NEMF: variants seen among roughly 807,000 people sequenced by gnomAD.
The protein encoded by NEMF is nuclear export mediator factor.
NEMF carries 89 observed loss-of-function variants against 162.2 expected under a neutral mutation model. The ratio of observed to expected loss-of-function variants is 0.55; its 90% confidence interval spans 0.46 to 0.65. The LOEUF (loss-of-function observed/expected upper bound fraction) is 0.65. Among genes scored for constraint, NEMF ranks in the 30% least tolerant of loss-of-function variants. The pLI, the probability that NEMF is intolerant of heterozygous loss-of-function variation, is 0.00. For synonymous variants in NEMF, 421 were observed against 404.5 expected (o/e 1.04, Z -0.49); for missense variants, 1,133 against 1,261.9 (o/e 0.90, Z 1.55).
chr14:49,788,543 C>T (rs1360405689), intron 28 of NEMF, among the ~76,000 whole-genome samples: 1 of 142,148 alleles, frequency 7.0e-6, no homozygotes, highest in African/African-American at 2.6e-5. Flanking sequence ...AAGACAATCC[C>T]AATTTTCTCT....
At chr14:49,785,745 G>GGGTATAGT (rs1387219575) in intron 29 of NEMF, 3 of 176,714 alleles carry the variant, frequency 1.7e-5, no homozygotes, top group African/African-American at 7.2e-5. Context: ...AAAGTTAGCT[G>GGGTATAGT]GGTATAGTGG....
At position 49,852,572 on chromosome 14, in the gene NEMF, A is replaced by G; in HGVS notation, c.59+123T>C. ...ACCACACGCCTGCCCACTCAGGCCT[A>G]GGCAGGTCCATAGACGCACTAGGAA... On this transcript the variant is annotated intron_variant, in intron 1 of 32. Transcript: ENST00000298310. The G allele has an allele frequency of 3.8e-6, 4 of 1,051,776 alleles. 1 individual carries two copies. The South Asian group carries it at 5.5e-5, about 14-fold the overall frequency. The allele number at this position is 1,051,776 out of a possible 1,614,324, so 65.2% of individuals were successfully genotyped here. A position where few individuals can be genotyped will look rare whatever the true frequency, so the allele number is the denominator to read the frequency against.
In NEMF at chr14:49,802,665, G is replaced by A. The variant is rs918404243; in HGVS notation, c.1974+4C>T. 1.2e-6 allele frequency: 2 copies of A among 1,611,522 alleles called. No individual in the cohort carries two copies. The highest frequency in any genetic ancestry group is 1.1e-5 in the South Asian group (1 of 90,630). ...AAATAAATAACCAAGAAGTTGAAGA[G>A]TACCTTAAAAAGGAAGCTAAACCCC... is the stretch of plus-strand genomic sequence containing the variant. On this transcript the variant is annotated splice_donor_region_variant and intron_variant, in intron 21 of 32. Transcript: ENST00000298310.
chr14:49,832,006 A>T, intron 10 of NEMF, 45 bp downstream of exon 10: 2 of 1,334,026 alleles, frequency 1.5e-6, no homozygotes, highest in Non-Finnish European at 2.1e-6. Context: ...TCAACAGCTC[A>T]TATCATGCTA....
chr14:49,824,274 G>T (rs1892228886), intron 16 of NEMF, among the ~76,000 whole-genome samples: 1 of 151,396 alleles, frequency 6.6e-6, no homozygotes, highest in Non-Finnish European at 1.5e-5. Context: ...GCGGGGCGTG[G>T]TGGCTCACGC....
chr14:49,805,621 G>A (rs528913798), intron 19 of NEMF, among the ~76,000 whole-genome samples: 19 of 151,628 alleles, frequency 1.3e-4, no homozygotes, highest in African/African-American at 4.4e-4. Context: ...TTCTGGAAGT[G>A]CCCAAGAGAA....
At chr14:49,839,102 G>A (rs942097149) in intron 5 of NEMF, among the ~76,000 whole-genome samples, 42 of 150,214 alleles carry the variant, frequency 2.8e-4, no homozygotes, top group African/African-American at 9.8e-4. Flanking sequence ...TTTTGAGACA[G>A]AGTTTTGCTC....
Position 49,836,145 on chromosome 14 carries a change from G to A in NEMF, c.575-1696C>T, listed in dbSNP as rs886874257. Among the ~76,000 whole-genome samples the A allele has an allele frequency of 3.9e-5, 6 of 152,116 alleles. 1 individual carries two copies. Among genetic ancestry groups the A allele is most frequent in the African/African-American group, 1.4e-4 (6 of 41,418 alleles). On this transcript the variant is annotated intron_variant, in intron 6 of 32. Transcript: ENST00000298310. ...AAACACAAAACTTAGTGGGTGTAGT[G>A]GCATACACTTGTAATCCCAGCTACG...
At chr14:49,814,105 C>CA (rs1891610925) in intron 17 of NEMF, 55 bp from the exon 18 acceptor site, 1 of 872,574 alleles carries the variant, frequency 1.1e-6, no homozygotes, top group Non-Finnish European at 1.8e-6. Flanking sequence ...TTCTTTTTTC[C>CA]TTTTTTTTTT....
rs1292818916 is a variant in NEMF, at chr14:49,832,140, TTATTA to T, written c.807-19_807-15del. 2 of 1,599,642 alleles carry T rather than the reference TTATTA, an allele frequency of 1.3e-6. No homozygotes were observed. The highest frequency in any genetic ancestry group is 2.7e-5 in the African/African-American group (2 of 74,282). On this transcript the variant is annotated splice_polypyrimidine_tract_variant and intron_variant, in intron 9 of 32. Transcript: ENST00000298310. ...AATTCCTCATACCTGTAAAACATAT[TTATTA>T]TATCACATTCGAGAACATTAACAAA...
intron 16 of NEMF, among the ~76,000 whole-genome samples, chr14:49,822,711 C>T (rs951567175): frequency 1.4e-5 from 2 of 139,778 alleles, no homozygotes; most frequent in Admixed American, 7.3e-5. Context: ...TAATGGTGGC[C>T]CTTTCCTCTC....
chr14:49,829,262 C>A lies in NEMF; in HGVS notation c.1024G>T (p.Glu342Ter). ...AGCTCTCCTTTCAGTTTGTCTATTT[C>A]CTTAAAAAACAAACCACACACATTT... ...NRLEALQQAQ[E>*]IDKLKGELIE... The change falls in exon 13 of 33, where the codon GAA (glutamate) becomes TAA (stop). Residue 342 changes from glutamate (E) to a stop codon, truncating the protein, a stop_gained and splice_region_variant. Transcript: ENST00000298310. LOFTEE classifies it high-confidence loss of function. 1 of 1,613,698 alleles carries A rather than the reference C, an allele frequency of 6.2e-7. No individual in the cohort carries two copies. Among genetic ancestry groups the A allele is most frequent in the Non-Finnish European group, 8.5e-7 (1 of 1,179,846 alleles).
rs7160595 is a variant in NEMF, at chr14:49,795,771, T to C, written c.2619+20A>G. 9.0e-4 allele frequency: 1,439 copies of C among 1,597,022 alleles called. 13 individuals are homozygous for C. The African/African-American group carries it at 0.016, about 18-fold the overall frequency. On this transcript the variant is annotated intron_variant, in intron 26 of 32. Coordinates refer to ENST00000298310, the MANE Select transcript of NEMF (RefSeq NM_004713.6). The stretch of plus-strand genomic sequence containing the variant: ...CCTCACAAATTAACTGTGAACCATA[T>C]AGATCATCCTGAAGTTTACCTTTTG...
Position 49,838,869 on chromosome 14 carries a change from A to C in NEMF, c.507-663T>G, listed in dbSNP as rs145896910. Among the ~76,000 whole-genome samples the C allele has an allele frequency of 1.5e-4, 22 of 151,342 alleles. No individual in the cohort carries two copies. The South Asian group carries it at 1.5e-3, about 10-fold the overall frequency. Reference sequence around the variant, plus strand: ...AAAGCGGTGGGATTACAGGCGTGAGACACCGTGCCCAGCCAGCATCTAACA... The same window carrying C: ...AAAGCGGTGGGATTACAGGCGTGAGCCACCGTGCCCAGCCAGCATCTAACA... On this transcript the variant is annotated intron_variant, in intron 5 of 32. Transcript: ENST00000298310.
intron 18 of NEMF, 150 bp from the exon 19 acceptor site, chr14:49,806,283 A>G (rs1193717116): frequency 1.1e-4 from 3 of 26,900 alleles, no homozygotes; most frequent in Non-Finnish European, 2.1e-4. Context: ...TTTTTTTGAG[A>G]TGGAGTTTCG....
intron 20 of NEMF, 65 bp downstream of exon 20, chr14:49,803,172 T>A (rs1426119675): frequency 3.5e-6 from 4 of 1,145,580 alleles, no homozygotes; most frequent in African/African-American, 1.5e-5. Flanking sequence ...ATTTGTAAAC[T>A]GTCTCAAACC....
At chr14:49,795,167 G>A (rs1397318865) in intron 26 of NEMF, among the ~76,000 whole-genome samples, 7 of 151,788 alleles carry the variant, frequency 4.6e-5, no homozygotes, top group East Asian at 3.9e-4. Flanking sequence ...AGACCCCATC[G>A]TTACAAAAAA....
rs972040078 is a variant in NEMF, at chr14:49,833,611, G to A, written c.662-115C>T. The stretch of plus-strand genomic sequence containing the variant: ...GCTTACAAAATAATGTTGCGTTCAA[G>A]AAAATTAGAGATAGTGATTTCATGT... On this transcript the variant is annotated intron_variant, in intron 7 of 32. Transcript: ENST00000298310. The A allele has an allele frequency of 1.6e-5, 9 of 555,444 alleles. No individual in the cohort carries two copies. The African/African-American group carries it at 1.7e-4, about 10-fold the overall frequency. 34.4% of individuals were successfully genotyped at this position (555,444 alleles called of 1,614,324 possible).
At chr14:49,849,164 A>G (rs1893655279) in intron 3 of NEMF, among the ~76,000 whole-genome samples, 1 of 152,164 alleles carries the variant, frequency 6.6e-6, no homozygotes, top group African/African-American at 2.4e-5. Context: ...AGTAACCTAC[A>G]TGTAGGGCTA....
Sources: gnomAD v4.1 joint callset for allele counts (sites outside exome capture counted in the v4.1 genomes callset) on GRCh38, gnomAD v4.1.1 for gene constraint, MANE v1.5 for transcripts, NCBI Gene and HGNC (gene_info 2026-07-23, HGNC 2026-07-21) for gene names.